The following GNG2 variants were observed in gnomAD, a reference collection of about 807,000 sequenced individuals.
The protein encoded by GNG2 is guanine nucleotide-binding protein G(I)/G(S)/G(O) subunit gamma-2.
A neutral mutation model predicts 5.5 loss-of-function variants in GNG2; 5 were observed. The ratio of observed to expected loss-of-function variants is 0.91; its 90% CI spans 0.48 to 1.92. GNG2 has a LOEUF of 1.92. GNG2 is among the 30% of genes most tolerant of loss of function. GNG2 has a pLI of 0.01. For missense variants in GNG2, 55 were observed against 88.4 expected (o/e 0.62, Z 1.52); for synonymous variants, 28 against 32.0 (o/e 0.88, Z 0.42).
At chr14:51,841,505 GA>G (rs1272480413) in intron 2 of GNG2, 1 of 701,712 alleles carries the variant, frequency 1.4e-6, no homozygotes, top group African/African-American at 1.7e-5. Context: ...CCATTTTACA[GA>G]CAAGAATCCC....
chr14:51,954,506 T>C (rs1038362659), intron 3 of GNG2, among the ~76,000 whole-genome samples: 2 of 152,204 alleles, frequency 1.3e-5, no homozygotes, highest in Admixed American at 6.5e-5. Flanking sequence ...TTATTCATCA[T>C]TGTATTAGGA....
At chr14:51,868,039 G>T (rs1883030154) in intron 1 of GNG2, among the ~76,000 whole-genome samples, 1 of 151,902 alleles carries the variant, frequency 6.6e-6, no homozygotes, top group South Asian at 2.1e-4. Context: ...CTCATTTTTT[G>T]ATGCAGAGTG....
chr14:51,832,101 G>A (rs950494872), intron 2 of GNG2, among the ~76,000 whole-genome samples: 12 of 151,684 alleles, frequency 7.9e-5, no homozygotes, highest in South Asian at 2.1e-4. Context: ...ACAACATGGC[G>A]AGACCCTGTC....
chr14:51,911,488 T>A (rs1886289543), intron 2 of GNG2, among the ~76,000 whole-genome samples: 1 of 152,088 alleles, frequency 6.6e-6, no homozygotes, highest in African/African-American at 2.4e-5. Context: ...TCTTGGAAAT[T>A]TAGTGAACTT....
At chr14:51,892,213 A>C (rs1458117751) in intron 2 of GNG2, among the ~76,000 whole-genome samples, 1 of 152,170 alleles carries the variant, frequency 6.6e-6, no homozygotes, top group South Asian at 2.1e-4. Context: ...ATTGTTTTTT[A>C]TTATGTTTGA....
intron 2 of GNG2, among the ~76,000 whole-genome samples, chr14:51,888,608 T>C (rs1296034691): frequency 6.6e-6 from 1 of 152,230 alleles, no homozygotes; most frequent in East Asian, 1.9e-4. Flanking sequence ...TCTTTCTTCT[T>C]TCCTCATTAA....
At chr14:51,868,861 C>G (rs987520052) in intron 1 of GNG2, among the ~76,000 whole-genome samples, 2 of 152,204 alleles carry the variant, frequency 1.3e-5, no homozygotes, top group African/African-American at 4.8e-5. Context: ...TTGATTTACA[C>G]AGTCAGGAAG....
intron 1 of GNG2, among the ~76,000 whole-genome samples, chr14:51,861,954 G>C (rs1400506439): frequency 6.6e-6 from 1 of 152,084 alleles, no homozygotes; most frequent in African/African-American, 2.4e-5. Flanking sequence ...GCTTATAGTG[G>C]AGTAAAAATT....
intron 1 of GNG2, among the ~76,000 whole-genome samples, chr14:51,867,982 A>G (rs1362218685): frequency 6.6e-6 from 1 of 152,158 alleles, no homozygotes; most frequent in Non-Finnish European, 1.5e-5. Flanking sequence ...ATACCACACA[A>G]TGCAGTTTGT....
intron 2 of GNG2, among the ~76,000 whole-genome samples, chr14:51,913,875 T>C (rs1488516382): frequency 6.6e-6 from 1 of 152,236 alleles, no homozygotes. Flanking sequence ...GTTGCATGTA[T>C]ATAATTTATG....
chr14:51,844,199 G>C (rs1340752539), intron 2 of GNG2, among the ~76,000 whole-genome samples: 1 of 152,184 alleles, frequency 6.6e-6, no homozygotes, highest in Non-Finnish European at 1.5e-5. Flanking sequence ...GTGTGTTCCT[G>C]TCACTGGCTC....
intron 2 of GNG2, among the ~76,000 whole-genome samples, chr14:51,836,121 C>T (rs1278939112): frequency 6.6e-6 from 1 of 151,648 alleles, no homozygotes; most frequent in Non-Finnish European, 1.5e-5. Context: ...CTCATTGTAC[C>T]TTCATTTGGC....
At chr14:51,944,825 A>G (rs1481799121) in intron 2 of GNG2, among the ~76,000 whole-genome samples, 1 of 152,226 alleles carries the variant, frequency 6.6e-6, no homozygotes. Flanking sequence ...GCTTCAAAGG[A>G]CAGTTCAACG....
At chr14:51,965,116 C>T (rs1889820649) in intron 3 of GNG2, among the ~76,000 whole-genome samples, 1 of 152,186 alleles carries the variant, frequency 6.6e-6, no homozygotes, top group African/African-American at 2.4e-5. Flanking sequence ...AAATTCTGCT[C>T]ACATCTCTCT....
At chr14:51,950,793 T>C (rs1888928931) in intron 3 of GNG2, 28 bp downstream of exon 3, 1 of 1,427,342 alleles carries the variant, frequency 7.0e-7, no homozygotes, top group Non-Finnish European at 9.7e-7. Flanking sequence ...CCACACTTCA[T>C]CTAGCGTGAG....
At chr14:51,859,181 C>T (rs1486999673), upstream of GNG2, among the ~76,000 whole-genome samples, 1 of 152,130 alleles carries the variant, frequency 6.6e-6, no homozygotes, top group African/African-American at 2.4e-5. Flanking sequence ...GATTAGCTTT[C>T]CAGGCACTGA....
At chr14:51,889,785 A>C (rs994722875) in intron 2 of GNG2, among the ~76,000 whole-genome samples, 43 of 152,250 alleles carry the variant, frequency 2.8e-4, no homozygotes, top group African/African-American at 8.7e-4. Flanking sequence ...AAGGTAGTTC[A>C]GTGCCGTACT....
chr14:51,847,864 GAATA>G (rs1276312970), intron 2 of GNG2, among the ~76,000 whole-genome samples: 1 of 125,300 alleles, frequency 8.0e-6, no homozygotes, highest in African/African-American at 2.9e-5. Flanking sequence ...GTTACTCTAT[GAATA>G]CAGGTCCTTT....
chr14:51,872,432 A>T (rs999617368), intron 1 of GNG2, among the ~76,000 whole-genome samples: 2 of 152,174 alleles, frequency 1.3e-5, no homozygotes, highest in African/African-American at 4.8e-5. Flanking sequence ...TCCACTTCAC[A>T]CAGAAGAAAT....
Sources: allele counts gnomAD v4.1 joint callset (sites outside exome capture counted in the v4.1 genomes callset), GRCh38; gene constraint gnomAD v4.1.1; transcripts MANE v1.5; gene names NCBI Gene and HGNC (gene_info 2026-07-23, HGNC 2026-07-21).